The following DDB1 variants were observed in gnomAD, a reference collection of about 807,000 sequenced individuals.
DDB1 encodes the protein damage specific DNA binding protein 1, also known as DNA damage-binding protein 1.
A neutral mutation model predicts 133.1 loss-of-function variants in DDB1; 18 were observed. The ratio of observed to expected loss-of-function variants is 0.14; its 90% CI spans 0.09 to 0.20. DDB1 has a LOEUF of 0.20. DDB1 is among the 10% of genes least tolerant of loss of function. The probability of loss-of-function intolerance (pLI) is 1.00; values close to 1 mark genes in which losing one functional copy is unlikely to be tolerated. For synonymous variants in DDB1, 580 were observed against 550.5 expected (o/e 1.05, Z -0.75); for missense variants, 828 against 1,459.2 (o/e 0.57, Z 7.05).
At chr11:61,321,364 CT>C (rs1856175684) in intron 10 of DDB1, 2 of 424,646 alleles carry the variant, frequency 4.7e-6, no homozygotes, top group Non-Finnish European at 8.4e-6. Flanking sequence ...TTTTAATCCC[CT>C]AGTCCTCTAT....
intron 22 of DDB1, among the ~76,000 whole-genome samples, chr11:61,303,647 T>C (rs1855834870): frequency 7.8e-6 from 1 of 127,638 alleles, no homozygotes. Flanking sequence ...GAGCTTGCAG[T>C]AAGCCGAGAT....
At chr11:61,314,272 G>A in intron 13 of DDB1, 36 bp downstream of exon 13, 2 of 1,596,086 alleles carry the variant, frequency 1.3e-6, no homozygotes, top group Non-Finnish European at 1.7e-6. Flanking sequence ...CTAGAGAAAA[G>A]AGGAGGAAAG....
intron 4 of DDB1, 122 bp from the exon 5 acceptor site, chr11:61,327,015 C>T: frequency 4.3e-6 from 3 of 703,570 alleles, no homozygotes. Context: ...TCAGCCCTCC[C>T]ACCCTTATCC....
chr11:61,300,367 G>C, intron 26 of DDB1, 148 bp from the exon 27 acceptor site: 1 of 761,290 alleles, frequency 1.3e-6, no homozygotes, highest in Non-Finnish European at 2.2e-6. Flanking sequence ...CCTCCCCCTG[G>C]GTGGCACAGG....
rs1367850039 is a variant in DDB1, at chr11:61,302,630, T to C, written c.3064A>G (p.Thr1022Ala). The change falls in exon 24 of 27, where the codon ACC (threonine) becomes GCC (alanine). Residue 1022 changes from threonine (T) to alanine (A), a missense_variant. Coordinates refer to ENST00000301764, the MANE Select transcript of DDB1 (RefSeq NM_001923.5). ...AAGAGCACCGAGCCTTGTGTGGGGG[T>C]GGAAGTCTCACCCAGATTCTGCATT... ...LVMQNLGETSTPTQGSVLFGT... is the reference protein window; with the variant it reads ...LVMQNLGETSAPTQGSVLFGT... 1 of 1,613,870 alleles carries C rather than the reference T, an allele frequency of 6.2e-7. No individual in the cohort carries two copies. Among genetic ancestry groups the C allele is most frequent in the Admixed American group, 1.7e-5 (1 of 59,980 alleles).
intron 21 of DDB1, among the ~76,000 whole-genome samples, chr11:61,306,737 C>T (rs1855887805): frequency 6.6e-6 from 1 of 152,158 alleles, no homozygotes; most frequent in Non-Finnish European, 1.5e-5. Context: ...GATTCCAACG[C>T]CCTGACCCCT....
At position 61,304,051 on chromosome 11, in the gene DDB1, TCTCTCTCAGCCAAAGGGGCCAGAG is replaced by T; in HGVS notation, c.2662-40_2662-17del. 11 of 1,613,340 alleles carry T rather than the reference TCTCTCTCAGCCAAAGGGGCCAGAG, an allele frequency of 6.8e-6. No homozygotes were observed. The highest frequency in any genetic ancestry group is 9.3e-6 in the Non-Finnish European group (11 of 1,179,914). On this transcript the variant is annotated splice_polypyrimidine_tract_variant and intron_variant, in intron 21 of 26. Coordinates refer to ENST00000301764, the MANE Select transcript of DDB1 (RefSeq NM_001923.5). Reference sequence around the variant, plus strand: ...AGAGCCGCACCTGGGAAGGGCATTGTCTCTCTCAGCCAAAGGGGCCAGAGCTCTCTCAGAATGACTCCCCCCAAC... The same window carrying T: ...AGAGCCGCACCTGGGAAGGGCATTGTCTCTCTCAGAATGACTCCCCCCAAC...
At chr11:61,309,205 G>C in intron 20 of DDB1, 128 bp from the exon 21 acceptor site, 1 of 792,386 alleles carries the variant, frequency 1.3e-6, no homozygotes, top group African/African-American at 1.7e-5. Flanking sequence ...AAACAACACA[G>C]ACTCAGTATC....
intron 21 of DDB1, among the ~76,000 whole-genome samples, chr11:61,307,304 C>T (rs915474292): frequency 1.3e-5 from 2 of 152,246 alleles, no homozygotes; most frequent in African/African-American, 4.8e-5. Context: ...TCCGCTGAGG[C>T]GACTGCAATC....
rs773165734 is a variant in DDB1, at chr11:61,314,222, A to G, written c.1590-12T>C. On this transcript the variant is annotated splice_polypyrimidine_tract_variant and intron_variant, in intron 13 of 26. Coordinates refer to ENST00000301764, the MANE Select transcript of DDB1 (RefSeq NM_001923.5). The stretch of plus-strand genomic sequence containing the variant: ...CCATCTCTGTGTGGCTGAACAAAGA[A>G]GAATATGGCAGAGGAAGGAATCCAA... The G allele has an allele frequency of 4.9e-5, 78 of 1,592,192 alleles. No homozygotes were observed. Among genetic ancestry groups the G allele is most frequent in the Non-Finnish European group, 6.3e-5 (74 of 1,169,318 alleles).
intron 4 of DDB1, among the ~76,000 whole-genome samples, chr11:61,328,942 C>A (rs1328771904): frequency 2.6e-5 from 4 of 152,024 alleles, no homozygotes; most frequent in East Asian, 1.9e-4. Context: ...AAAATGTAAA[C>A]CTCTTCTTAA....
chr11:61,312,258 C>CT (rs1437498682), intron 16 of DDB1, among the ~76,000 whole-genome samples, 174 bp from the exon 17 acceptor site: 3 of 152,092 alleles, frequency 2.0e-5, no homozygotes, highest in Admixed American at 2.0e-4. Flanking sequence ...ACAAGATACT[C>CT]TTATTTCATT....
At chr11:61,316,919 C>CAAA (rs58795761) in intron 10 of DDB1, among the ~76,000 whole-genome samples, 1 of 21,694 alleles carries the variant, frequency 4.6e-5, no homozygotes, top group African/African-American at 1.4e-4. Context: ...GATCCTGTCT[C>CAAA]AAAAAAAAAA....
At chr11:61,310,598 A>G (rs1590684736) in intron 18 of DDB1, 180 bp from the exon 19 acceptor site, 2 of 578,438 alleles carry the variant, frequency 3.5e-6, no homozygotes, top group Non-Finnish European at 2.9e-6. Flanking sequence ...TGAAACATCA[A>G]TCCCAAACAG....
At chr11:61,328,354 A>T (rs986840018) in intron 4 of DDB1, among the ~76,000 whole-genome samples, 1 of 152,226 alleles carries the variant, frequency 6.6e-6, no homozygotes, top group Admixed American at 6.5e-5. Flanking sequence ...AACACACTCT[A>T]TGTGGAACTG....
In DDB1 at chr11:61,316,960, T is replaced by G. The variant is rs1450800290; in HGVS notation, c.1226-393A>C. 1.1e-3 allele frequency among the ~76,000 whole-genome samples: 23 copies of G among 21,072 alleles called. 2 individuals carry two copies. Among genetic ancestry groups the G allele is most frequent in the Middle Eastern group, 0.023 (1 of 44 alleles). The allele number at this position is 21,072 out of a possible 152,430, so 13.8% of individuals were successfully genotyped here. On this transcript the variant is annotated intron_variant, in intron 10 of 26. Transcript: ENST00000301764. ...AAAAAAGGATAGATATATATATATA[T>G]ATATATATATATATATATATATATA... is the stretch of plus-strand genomic sequence containing the variant.
At position 61,329,359 on chromosome 11, in the gene DDB1, G is replaced by C; in HGVS notation, c.549+4C>G. The C allele has an allele frequency of 6.2e-7, 1 of 1,613,850 alleles. No individual in the cohort carries two copies. Among genetic ancestry groups the C allele is most frequent in the South Asian group, 1.1e-5 (1 of 90,992 alleles). Reference sequence around the variant, plus strand: ...TTTCTCGCTCTCTCTTCCTGATCCAGTACCTGGTAGACAAAGCAAATAGTA... The same window carrying C: ...TTTCTCGCTCTCTCTTCCTGATCCACTACCTGGTAGACAAAGCAAATAGTA... On this transcript the variant is annotated splice_donor_region_variant and intron_variant, in intron 4 of 26. Transcript: ENST00000301764.
intron 21 of DDB1, among the ~76,000 whole-genome samples, chr11:61,308,464 G>C (rs1855911334): frequency 6.6e-6 from 1 of 152,068 alleles, no homozygotes; most frequent in Admixed American, 6.6e-5. Context: ...TACTTTATTT[G>C]CTCATAAACT....
chr11:61,326,653 T>G, intron 5 of DDB1, 126 bp downstream of exon 5: 1 of 791,608 alleles, frequency 1.3e-6, no homozygotes, highest in South Asian at 1.4e-5. Context: ...AAAGGAGTGG[T>G]AAACAATGCA....
Sources: allele counts gnomAD v4.1 joint callset (sites outside exome capture counted in the v4.1 genomes callset), GRCh38; gene constraint gnomAD v4.1.1; transcripts MANE v1.5; gene names NCBI Gene and HGNC (gene_info 2026-07-23, HGNC 2026-07-21).